Variants in SYNE1 observed in about 807,000 individuals in gnomAD.
SYNE1 encodes spectrin repeat containing nuclear envelope protein 1.
SYNE1 carries 616 observed loss-of-function variants against 1,111.0 expected under a neutral mutation model. The observed-to-expected ratio is 0.55, with a 90% confidence interval of 0.52 to 0.59. The LOEUF (loss-of-function observed/expected upper bound fraction) is 0.59, where lower values mean the gene tolerates loss of function less well. Ranked by LOEUF, SYNE1 falls within the 20% of genes least tolerant of loss-of-function variation. The pLI is 0.00. For missense variants in SYNE1, 10,006 were observed against 10,417.0 expected, an observed-to-expected ratio of 0.96 and a Z score of 1.72; for synonymous variants, 3,855 against 3,825.8, an observed-to-expected ratio of 1.01 and a Z score of -0.28.
rs1208155417 is a variant in SYNE1, at chr6:152,334,278, A to C, written c.12529-5T>G. ...CTGTAGTTTCTTAACAAAATCCTAAAGGATAACAGCAACAAAAAATATGTA... is the reference window on the plus strand; with the variant it reads ...CTGTAGTTTCTTAACAAAATCCTAACGGATAACAGCAACAAAAAATATGTA... On this transcript the variant is annotated splice_region_variant and splice_polypyrimidine_tract_variant and intron_variant, in intron 76 of 145. Coordinates refer to ENST00000367255, the MANE Select transcript of SYNE1 (RefSeq NM_182961.4). 5 of 1,613,212 alleles carry C rather than the reference A, an allele frequency of 3.1e-6. No individual in the cohort carries two copies. The highest frequency in any genetic ancestry group is 8.5e-7 in the Non-Finnish European group (1 of 1,180,010).
intron 47 of SYNE1, among the ~76,000 whole-genome samples, chr6:152,400,434 C>T (rs927262191): frequency 1.4e-4 from 21 of 151,996 alleles, no homozygotes; most frequent in African/African-American, 5.1e-4. Context: ...GAGGCTGAGG[C>T]CAGTGGATCA....
chr6:152,230,484 A>G, intron 115 of SYNE1, 63 bp downstream of exon 115: 3 of 1,524,152 alleles, frequency 2.0e-6, no homozygotes, highest in Non-Finnish European at 2.7e-6. Context: ...CAAGGCCTAT[A>G]AACATATTAG....
At chr6:152,199,233 T>C (rs1421788117) in intron 127 of SYNE1, among the ~76,000 whole-genome samples, 1 of 152,238 alleles carries the variant, frequency 6.6e-6, no homozygotes, top group African/African-American at 2.4e-5. Context: ...TTCTTTACTT[T>C]AGACTGACTT....
chr6:152,395,599 C>G lies in SYNE1; in HGVS notation c.7629G>C (p.Leu2543Phe). The G allele has an allele frequency of 6.2e-7, 1 of 1,614,146 alleles. No individual in the cohort carries two copies. Among genetic ancestry groups the G allele is most frequent in the Non-Finnish European group, 8.5e-7 (1 of 1,180,010 alleles). The change falls in exon 51 of 146, where the codon TTG becomes TTC. Residue 2543 changes from leucine to phenylalanine, a missense_variant. Around this residue, in one of 7 missense-constraint regions of SYNE1, gnomAD observed 4,955 missense variants for 5,017.2 expected, o/e 0.99. Transcript: ENST00000367255. Reference sequence around the variant, plus strand: ...CAGGAATGTGCTGTTTACTCTCTCCCAAGTTTTCCGTATTGAACCTTTCTT... The same window carrying G: ...CAGGAATGTGCTGTTTACTCTCTCCGAAGTTTTCCGTATTGAACCTTTCTT... The part of the protein sequence containing the change: ...EMEERFNTEN[L>F]GESKQHIPEK...
intron 3 of SYNE1, among the ~76,000 whole-genome samples, chr6:152,605,076 A>AGAAGGAAGGAAG (rs376634946): frequency 0.01 from 337 of 32,348 alleles, 7 homozygotes; most frequent in Middle Eastern, 0.029. Flanking sequence ...GAGGGAGGAA[A>AGAAGGAAGGAAG]GAAGGAAGGA....
intron 3 of SYNE1, among the ~76,000 whole-genome samples, chr6:152,599,903 G>A (rs987881516): frequency 4.6e-5 from 7 of 152,166 alleles, no homozygotes; most frequent in Admixed American, 4.6e-4. Context: ...AATGATATCT[G>A]GTAGGTGAAA....
In SYNE1 at chr6:152,465,911, T is replaced by C. The variant is rs2098763399; in HGVS notation, c.1729+71A>G. ...TCCACGGACAGAAAGAATGATCTGA[T>C]CAGATAGAAACCTGCAGGCTCTAAA... On this transcript the variant is annotated intron_variant, in intron 17 of 145. Transcript: ENST00000367255. 1.1e-5 allele frequency: 12 copies of C among 1,105,406 alleles called. No individual in the cohort carries two copies. The South Asian group carries it at 1.4e-4, about 13-fold the overall frequency. 68.5% of individuals were successfully genotyped at this position (1,105,406 alleles called of 1,614,324 possible).
intron 137 of SYNE1, chr6:152,145,470 C>A: frequency 6.2e-7 from 1 of 1,613,066 alleles, no homozygotes; most frequent in Non-Finnish European, 8.5e-7. Flanking sequence ...AGGCTGGCTC[C>A]GGCTTGTTGT....
intron 29 of SYNE1, 125 bp downstream of exon 29, chr6:152,447,333 A>G: frequency 9.2e-7 from 1 of 1,087,112 alleles, no homozygotes; most frequent in Non-Finnish European, 1.3e-6. Context: ...AAAAAGCATA[A>G]CAACAATTCT....
intron 14 of SYNE1, among the ~76,000 whole-genome samples, chr6:152,476,655 A>C (rs547025347): frequency 4.6e-5 from 7 of 152,108 alleles, no homozygotes; most frequent in South Asian, 2.1e-4. Context: ...GATCACTTGC[A>C]CCCAGGAGTT....
chr6:152,218,217 G>A lies in SYNE1; in HGVS notation c.22191+40C>T, dbSNP rs2079227241. The A allele has an allele frequency of 1.9e-6, 3 of 1,611,182 alleles. No homozygotes were observed. In the South Asian group the frequency reaches 3.3e-5, roughly 18 times the overall value. ...AAAAAAAAAAAGATTTTTGAAGACA[G>A]ATGGTAAAAGATCTGGGACTCAGAT... is the stretch of plus-strand genomic sequence containing the variant. On this transcript the variant is annotated intron_variant, in intron 121 of 145. Transcript: ENST00000367255.
At chr6:152,585,289 G>A (rs1474578042) in intron 3 of SYNE1, among the ~76,000 whole-genome samples, 2 of 152,162 alleles carry the variant, frequency 1.3e-5, no homozygotes, top group Non-Finnish European at 2.9e-5. Flanking sequence ...CCAGTCTCAG[G>A]TATGTCTTTA....
Position 152,283,995 on chromosome 6 carries a change from T to TC in SYNE1, c.18189dup (p.Lys6064GlufsTer11). On this transcript the variant is annotated frameshift_variant, in exon 96 of 146. Coordinates refer to ENST00000367255, the MANE Select transcript of SYNE1 (RefSeq NM_182961.4). LOFTEE classifies it high-confidence loss of function. ...TTGGTTACCTCCAAAAGCTGCCGTT[T>TC]CCCCGAGGCTTTCATCCTGATGGTG... 6.2e-7 allele frequency: 1 copy of TC among 1,614,196 alleles called. No homozygotes were observed. The highest frequency in any genetic ancestry group is 8.5e-7 in the Non-Finnish European group (1 of 1,180,026).
intron 6 of SYNE1, among the ~76,000 whole-genome samples, chr6:152,514,218 G>C (rs2099099961): frequency 6.6e-6 from 1 of 152,152 alleles, no homozygotes; most frequent in Non-Finnish European, 1.5e-5. Context: ...GCAAAGACTT[G>C]GAACCAATCC....
chr6:152,626,581 C>T (rs1010855002), intron 3 of SYNE1, among the ~76,000 whole-genome samples: 2 of 152,074 alleles, frequency 1.3e-5, no homozygotes, highest in African/African-American at 2.4e-5. Context: ...AAATTTTCAG[C>T]CCATGGAAAA....
chr6:152,362,833 T>C (rs1203181175), intron 63 of SYNE1, among the ~76,000 whole-genome samples: 1 of 151,954 alleles, frequency 6.6e-6, no homozygotes, highest in Non-Finnish European at 1.5e-5. Context: ...AAAACTTAAT[T>C]ATTTATTTTA....
At chr6:152,459,476 A>G (rs1458085231) in intron 21 of SYNE1, among the ~76,000 whole-genome samples, 1 of 152,164 alleles carries the variant, frequency 6.6e-6, no homozygotes, top group Non-Finnish European at 1.5e-5. Context: ...CTCCCTGCTT[A>G]TCAACATCCT....
intron 98 of SYNE1, 116 bp from the exon 99 acceptor site, chr6:152,269,402 G>T: frequency 6.7e-7 from 1 of 1,489,292 alleles, no homozygotes. Context: ...GCTCCACTGG[G>T]ATGTGAAACC....
Position 152,413,501 on chromosome 6 carries a change from T to G in SYNE1, c.6081A>C (p.Glu2027Asp). The change falls in exon 42 of 146, where the codon GAA becomes GAC. Residue 2027 changes from glutamate (E) to aspartate (D), a missense_variant. Around this residue, in one of 7 missense-constraint regions of SYNE1, gnomAD observed 4,955 missense variants for 5,017.2 expected, o/e 0.99. Transcript: ENST00000367255. ...ATAGTTCATGCTCGTGAGAATTCAA[T>G]TCATCTTCTAGCTGATTAAACACTC... ...RLRVFNQLEDELNSHEHELCW... is the reference protein window; with the variant it reads ...RLRVFNQLEDDLNSHEHELCW... 6.2e-7 allele frequency: 1 copy of G among 1,614,190 alleles called. No individual in the cohort carries two copies. Among genetic ancestry groups the G allele is most frequent in the Non-Finnish European group, 8.5e-7 (1 of 1,180,012 alleles).
Sources: allele counts gnomAD v4.1 joint callset (sites outside exome capture counted in the v4.1 genomes callset), GRCh38; gene constraint gnomAD v4.1.1; regional missense constraint gnomAD v4.1.1; transcripts MANE v1.5; gene names NCBI Gene and HGNC (gene_info 2026-07-23, HGNC 2026-07-21).